The following STAG3 variants were observed in gnomAD, a reference collection of about 807,000 sequenced individuals.
STAG3 encodes the protein cohesin subunit SA-3.
STAG3 carries 101 observed loss-of-function variants against 160.7 expected under a neutral mutation model. The observed-to-expected ratio is 0.63, with a 90% CI of 0.54 to 0.74. The LOEUF is 0.74. Ranked by LOEUF, STAG3 falls within the 30% of genes least tolerant of loss-of-function variation. STAG3 has a pLI of 0.00. For synonymous variants in STAG3, 519 were observed against 585.0 expected (o/e 0.89, Z 1.63); for missense variants, 1,188 against 1,517.4 (o/e 0.78, Z 3.61).
At chr7:100,213,439 C>T (rs1802458843) in intron 32 of STAG3, 1 of 985,302 alleles carries the variant, frequency 1.0e-6, no homozygotes, top group Admixed American at 6.1e-5. Flanking sequence ...TACCTTCAAA[C>T]CAGAGACTAG....
At chr7:100,177,816 G>A (rs1486308952), upstream of STAG3, 4 of 152,400 alleles carry the variant, frequency 2.6e-5, no homozygotes, top group Non-Finnish European at 2.9e-5. Context: ...ACTCAAACGT[G>A]GCGCGCATCA....
At chr7:100,185,753 C>T (rs1379297616) in intron 4 of STAG3, among the ~76,000 whole-genome samples, 1 of 151,988 alleles carries the variant, frequency 6.6e-6, no homozygotes, top group African/African-American at 2.4e-5. Context: ...TCCACTGTAC[C>T]CTCAGGTCAT....
rs1412311710 is a variant in STAG3, at chr7:100,188,943, C to T, written c.642C>T (p.Asp214=). ...YSLLYDGFPM[D]DLISLLTGLS... ...TCCTCTATGATGGCTTCCCTATGGA[C>T]GACCTCATCTCCCTGCTCACTGGCC... The change falls in exon 7 of 34, where the codon GAC becomes GAT. Residue 214 remains aspartate (D), a synonymous_variant. Transcript: ENST00000615138. 2.5e-6 allele frequency: 4 copies of T among 1,614,044 alleles called. No individual in the cohort carries two copies. The highest frequency in any genetic ancestry group is 3.3e-5 in the Admixed American group (2 of 59,996).
Position 100,207,130 on chromosome 7 carries a change from TTG to T in STAG3, c.3238+1748_3238+1749del, listed in dbSNP as rs1801725085. On this transcript the variant is annotated intron_variant, in intron 29 of 33. Coordinates refer to ENST00000615138, the MANE Select transcript of STAG3 (RefSeq NM_001282717.2). The surrounding 1 kb of genome is among the most constrained non-coding windows in gnomAD (Gnocchi z 4.0). ...GATATGCCACATTCTACTTATCCAC[TTG>T]TCAGTTGATTGACATTTGGGCTCTT... 6.6e-6 allele frequency among the ~76,000 whole-genome samples: 1 copy of T among 152,228 alleles called. No individual in the cohort carries two copies. The highest frequency in any genetic ancestry group is 2.4e-5 in the African/African-American group (1 of 41,456).
At chr7:100,201,208 TG>T in intron 20 of STAG3, 48 bp downstream of exon 20, 1 of 1,613,892 alleles carries the variant, frequency 6.2e-7, no homozygotes, top group Non-Finnish European at 8.5e-7. Context: ...CTGGTGTCTG[TG>T]GAGTTGGTTC....
rs568170569 is a variant in STAG3 at position 100,189,630 on chromosome 7, T to G, written c.867+34T>G. 5 of 1,593,530 alleles carry G rather than the reference T, an allele frequency of 3.1e-6. No individual in the cohort carries two copies. In the East Asian group the frequency reaches 6.7e-5, roughly 21 times the overall value. On this transcript the variant is annotated intron_variant, in intron 8 of 33. Coordinates refer to ENST00000615138, the MANE Select transcript of STAG3 (RefSeq NM_001282717.2). ...TGTTCCCTGCTTCTTCCTTCCCTTTTTCCCAACTTGCACCCACTTCTGCCA... is the reference window on the plus strand; with the variant it reads ...TGTTCCCTGCTTCTTCCTTCCCTTTGTCCCAACTTGCACCCACTTCTGCCA...
At chr7:100,211,398 G>C in intron 30 of STAG3, 37 bp from the exon 31 acceptor site, 1 of 1,604,856 alleles carries the variant, frequency 6.2e-7, no homozygotes, top group Non-Finnish European at 8.5e-7. Context: ...TCTTACCCTT[G>C]ATTTTTATCC....
chr7:100,182,901 T>C, intron 4 of STAG3, 62 bp downstream of exon 4: 2 of 1,587,536 alleles, frequency 1.3e-6, no homozygotes, highest in Non-Finnish European at 8.7e-7. Context: ...TAAGGACAAG[T>C]GTCTACAAAC....
At chr7:100,211,940 G>A in intron 32 of STAG3, 64 bp downstream of exon 32, 1 of 1,513,324 alleles carries the variant, frequency 6.6e-7, no homozygotes, top group Non-Finnish European at 9.1e-7. Context: ...AGAGAAGCCA[G>A]GGTGTTTCCC....
rs200232685 is a variant in STAG3 at position 100,182,145 on chromosome 7, C to T, written c.172C>T (p.Arg58Cys). ...EDTDFEDSLN[R>C]NVKKRAAKRP... ...CACTGACTTTGAAGACAGCTTGAATCGCAATGTGAAGAAGAGAGCAGCAAA... is the reference window on the plus strand; with the variant it reads ...CACTGACTTTGAAGACAGCTTGAATTGCAATGTGAAGAAGAGAGCAGCAAA... Residue 58 changes from arginine to cysteine, a missense_variant, in exon 3 of 34, where the codon CGC becomes TGC. Arg to Cys is a radical substitution (Grantham distance 180, BLOSUM62 -3). Coordinates refer to ENST00000615138, the MANE Select transcript of STAG3 (RefSeq NM_001282717.2). 7.4e-6 allele frequency: 12 copies of T among 1,613,426 alleles called. No homozygotes were observed. The highest frequency in any genetic ancestry group is 1.0e-5 in the Non-Finnish European group (12 of 1,179,902).
intron 1 of STAG3, 196 bp downstream of exon 1, chr7:100,178,201 A>C (rs1799398533): frequency 6.6e-6 from 1 of 152,224 alleles, no homozygotes; most frequent in African/African-American, 2.4e-5. Context: ...CTGAGAGTCC[A>C]TTCTCTTAAG....
At chr7:100,211,725 G>C in intron 31 of STAG3, 70 bp from the exon 32 acceptor site, 1 of 1,549,292 alleles carries the variant, frequency 6.5e-7, no homozygotes, top group Non-Finnish European at 8.9e-7. Flanking sequence ...CCCCACCCCG[G>C]GTGTCTGAGA....
intron 2 of STAG3, among the ~76,000 whole-genome samples, chr7:100,181,701 A>G (rs1173731091): frequency 6.6e-6 from 1 of 152,022 alleles, no homozygotes; most frequent in Non-Finnish European, 1.5e-5. Context: ...TAATCCCAAC[A>G]CTTTGGGAGG....
At chr7:100,187,078 C>CTATA (rs754355307) in intron 5 of STAG3, among the ~76,000 whole-genome samples, 29 of 151,914 alleles carry the variant, frequency 1.9e-4, no homozygotes, top group Admixed American at 6.6e-5. Context: ...GTTGCCCAGG[C>CTATA]TAGAGTGCAG....
At chr7:100,218,228 A>G (rs185170681), downstream of STAG3, 1 of 161,126 alleles carries the variant, frequency 6.2e-6, no homozygotes, top group Non-Finnish European at 1.3e-5. Flanking sequence ...TTCAGCTCCT[A>G]TCTCTGTATG....
Position 100,213,774 on chromosome 7 carries a change from G to C in STAG3, c.3640G>C (p.Asp1214His). The C allele has an allele frequency of 1.2e-6, 2 of 1,614,236 alleles. No individual in the cohort carries two copies. Among genetic ancestry groups the C allele is most frequent in the Non-Finnish European group, 1.7e-6 (2 of 1,180,044 alleles). Reference sequence around the variant, plus strand: ...CTCTTCCACCAGTGAGCGCGGGCTGGACCTCTTAGATTCTACAGAGCTGGA... The same window carrying C: ...CTCTTCCACCAGTGAGCGCGGGCTGCACCTCTTAGATTCTACAGAGCTGGA... Reference protein sequence around the residue: ...SYSSTSERGLDLLDSTELDIE... With the variant: ...SYSSTSERGLHLLDSTELDIE... The change falls in exon 33 of 34, where the codon GAC becomes CAC. Residue 1214 changes from aspartate to histidine, a missense_variant. Asp to His is a moderately conservative substitution (Grantham distance 81). Coordinates refer to ENST00000615138, the MANE Select transcript of STAG3 (RefSeq NM_001282717.2).
chr7:100,214,935 T>A (rs1802631079), downstream of STAG3: 2 of 152,114 alleles, frequency 1.3e-5, no homozygotes, highest in Admixed American at 1.3e-4. Flanking sequence ...TTCTCTGGCC[T>A]ATGTCCTCCA....
intron 25 of STAG3, among the ~76,000 whole-genome samples, chr7:100,203,583 C>T (rs1435365044): frequency 1.3e-5 from 2 of 151,860 alleles, no homozygotes; most frequent in Non-Finnish European, 1.5e-5. Flanking sequence ...GGCGTGATCT[C>T]GGCTCACTAC....
chr7:100,202,378 G>A, intron 24 of STAG3, 38 bp downstream of exon 24: 4 of 1,610,768 alleles, frequency 2.5e-6, no homozygotes, highest in Non-Finnish European at 2.5e-6. Flanking sequence ...GTAAGGGCTG[G>A]GGCTTGGGTG....
Sources: gnomAD v4.1 joint callset for allele counts (sites outside exome capture counted in the v4.1 genomes callset) on GRCh38, gnomAD v4.1.1 for gene constraint, Gnocchi (gnomAD v3.1) non-coding constraint, MANE v1.5 for transcripts, NCBI Gene and HGNC (gene_info 2026-07-23, HGNC 2026-07-21) for gene names.